UNC79: variants seen among roughly 807,000 people sequenced by gnomAD.
UNC79 encodes protein unc-79 homolog.
UNC79 carries 37 observed loss-of-function variants against 283.1 expected under a neutral mutation model. The ratio of observed to expected loss-of-function variants is 0.13; its 90% confidence interval spans 0.10 to 0.17. UNC79 has a LOEUF of 0.17. Ranked by LOEUF, UNC79 falls within the 10% of genes least tolerant of loss-of-function variation. The pLI is 1.00. For missense variants in UNC79, 2,272 were observed against 3,211.1 expected, an observed-to-expected ratio of 0.71 and a Z score of 7.07; for synonymous variants, 1,107 against 1,200.2, an observed-to-expected ratio of 0.92 and a Z score of 1.61.
rs199539496 is a variant in UNC79 at position 93,622,607 on chromosome 14, G to A, written c.5374G>A (p.Glu1792Lys). The change falls in exon 30 of 49, where the codon GAA becomes AAA. Residue 1792 changes from glutamate to lysine, a missense_variant. Physicochemically the swap from Glu to Lys is moderately conservative, Grantham distance 56. Coordinates refer to ENST00000555664, the Ensembl canonical transcript of UNC79. ...AAAAACCGTCCTCCTCAAAGTTCCC[G>A]AAGATGCAGAGAACCCCACAGAAAG... is the stretch of plus-strand genomic sequence containing the variant. The A allele has an allele frequency of 1.7e-5, 28 of 1,614,034 alleles. No homozygotes were observed. Among genetic ancestry groups the A allele is most frequent in the Non-Finnish European group, 2.1e-5 (25 of 1,180,040 alleles).
At chr14:93,403,418 T>C (rs1298564767) in intron 1 of UNC79, among the ~76,000 whole-genome samples, 1 of 152,230 alleles carries the variant, frequency 6.6e-6, no homozygotes, top group Admixed American at 6.5e-5. Context: ...TTTTTTATCT[T>C]TGCAGCCATC....
chr14:93,571,215 G>C (rs76460449), intron 14 of UNC79, among the ~76,000 whole-genome samples: 68 of 152,132 alleles, frequency 4.5e-4, no homozygotes, highest in Non-Finnish European at 8.4e-4. Flanking sequence ...TTTAACCTTT[G>C]TTACGTTGAT....
chr14:93,363,581 T>G (rs148881952), intron 1 of UNC79, among the ~76,000 whole-genome samples: 1 of 152,306 alleles, frequency 6.6e-6, no homozygotes, highest in East Asian at 1.9e-4. Flanking sequence ...CTCCCACTGT[T>G]ATTGTGTGGT....
intron 23 of UNC79, among the ~76,000 whole-genome samples, chr14:93,594,570 A>G (rs1485809186): frequency 6.6e-6 from 1 of 152,148 alleles, no homozygotes; most frequent in Non-Finnish European, 1.5e-5. Flanking sequence ...GTGCTGGGGC[A>G]GAAACTGAGA....
At chr14:93,511,579 C>T (rs2059827163) in intron 7 of UNC79, among the ~76,000 whole-genome samples, 1 of 152,110 alleles carries the variant, frequency 6.6e-6, no homozygotes, top group Non-Finnish European at 1.5e-5. Context: ...TCCCGAGTAG[C>T]TGGTATTACA....
rs568704565 is a variant in UNC79 at position 93,704,621 on chromosome 14, A to G, written c.7549-4A>G. The G allele has an allele frequency of 2.5e-6, 4 of 1,614,176 alleles. No homozygotes were observed. Among genetic ancestry groups the G allele is most frequent in the East Asian group, 2.2e-5 (1 of 44,884 alleles). On this transcript the variant is annotated splice_region_variant and splice_polypyrimidine_tract_variant and intron_variant, in intron 47 of 48. Transcript: ENST00000555664. ...TAATGAAGCTTTTGTCTTTCTCTATACAGCTGATACCTATGTGGTTGCCAA... is the reference window on the plus strand; with the variant it reads ...TAATGAAGCTTTTGTCTTTCTCTATGCAGCTGATACCTATGTGGTTGCCAA...
Position 93,507,660 on chromosome 14 carries a change from G to T in UNC79, c.898+10374G>T, listed in dbSNP as rs547675930. On this transcript the variant is annotated intron_variant, in intron 7 of 48. Coordinates refer to ENST00000555664, the Ensembl canonical transcript of UNC79. The stretch of plus-strand genomic sequence containing the variant: ...ACAAATATTTTATTCCAGTCTTGGG[G>T]TTACTCTTTTATTTTCTTAACAGTG... Among the ~76,000 whole-genome samples, 7 of 152,146 alleles carry T rather than the reference G, an allele frequency of 4.6e-5. No individual in the cohort carries two copies. The East Asian group carries it at 1.2e-3, about 25-fold the overall frequency.
intron 8 of UNC79, among the ~76,000 whole-genome samples, 193 bp downstream of exon 8, chr14:93,524,235 T>C (rs1005191952): frequency 1.5e-4 from 23 of 152,222 alleles, no homozygotes; most frequent in African/African-American, 5.5e-4. Flanking sequence ...TTGTCTGCAG[T>C]TTTGGCTATG....
At chr14:93,582,120 A>C in intron 19 of UNC79, 83 bp from the exon 20 acceptor site, 2 of 1,602,928 alleles carry the variant, frequency 1.2e-6, no homozygotes, top group Non-Finnish European at 1.7e-6. Flanking sequence ...GCAGGTGTGC[A>C]GTCCAGCTTT....
intron 26 of UNC79, among the ~76,000 whole-genome samples, chr14:93,604,113 GA>G (rs2065714286): frequency 6.6e-6 from 1 of 152,056 alleles, no homozygotes; most frequent in African/African-American, 2.4e-5. Flanking sequence ...AATGACTCAT[GA>G]AGGACAAATA....
At chr14:93,473,287 T>G (rs915469503) in intron 2 of UNC79, among the ~76,000 whole-genome samples, 1 of 152,150 alleles carries the variant, frequency 6.6e-6, no homozygotes, top group Non-Finnish European at 1.5e-5. Flanking sequence ...AAACCACTGT[T>G]TGTATTCATA....
chr14:93,471,790 A>G (rs1328122476), intron 2 of UNC79, among the ~76,000 whole-genome samples: 2 of 151,950 alleles, frequency 1.3e-5, no homozygotes, highest in African/African-American at 2.4e-5. Flanking sequence ...AGGCAGTGAG[A>G]GAGAAGTTTT....
Position 93,627,651 on chromosome 14 carries a change from C to G in UNC79, c.5609-3150C>G, listed in dbSNP as rs189232660. Among the ~76,000 whole-genome samples the G allele has an allele frequency of 1.7e-4, 26 of 152,304 alleles. 1 individual carries two copies. In the East Asian group the frequency reaches 4.8e-3, roughly 28 times the overall value. On this transcript the variant is annotated intron_variant, in intron 30 of 48. Coordinates refer to ENST00000555664, the Ensembl canonical transcript of UNC79. ...ACATTCTGTCAGCCAAAGCAAATCACATGGCTGAACCAAAGTCAAGAGGGG... is the reference window on the plus strand; with the variant it reads ...ACATTCTGTCAGCCAAAGCAAATCAGATGGCTGAACCAAAGTCAAGAGGGG...
rs1332275605 is a variant in UNC79 at position 93,694,447 on chromosome 14, T to C, written c.7548+35T>C. The C allele has an allele frequency of 1.9e-6, 3 of 1,569,480 alleles. No homozygotes were observed. In the African/African-American group the frequency reaches 4.1e-5, roughly 21 times the overall value. ...CCTTATGATTTTTAAAGACCATTTC[T>C]TACTGCTAAAAACAAATGTGGATTT... On this transcript the variant is annotated intron_variant, in intron 47 of 48. Coordinates refer to ENST00000555664, the Ensembl canonical transcript of UNC79.
At chr14:93,597,825 C>T (rs2065183620) in intron 24 of UNC79, among the ~76,000 whole-genome samples, 1 of 152,130 alleles carries the variant, frequency 6.6e-6, no homozygotes, top group South Asian at 2.1e-4. Context: ...AAAGCCCCAC[C>T]TCCTAATACT....
At chr14:93,371,834 C>T (rs189646491) in intron 1 of UNC79, among the ~76,000 whole-genome samples, 4 of 150,234 alleles carry the variant, frequency 2.7e-5, no homozygotes, top group South Asian at 4.2e-4. Context: ...ATCGAGACTC[C>T]GTCTCAAAAA....
chr14:93,584,674 A>G (rs1229789541), intron 20 of UNC79, among the ~76,000 whole-genome samples: 1 of 152,184 alleles, frequency 6.6e-6, no homozygotes, highest in African/African-American at 2.4e-5. Flanking sequence ...TATTGGAGCA[A>G]TGGTTAAAAT....
At chr14:93,339,385 C>T (rs1312600736) in intron 1 of UNC79, among the ~76,000 whole-genome samples, 2 of 152,086 alleles carry the variant, frequency 1.3e-5, no homozygotes, top group Non-Finnish European at 2.9e-5. Flanking sequence ...CTGCAAGCTC[C>T]ACCTCCCGGG....
At chr14:93,599,542 G>A (rs2065342853) in intron 24 of UNC79, among the ~76,000 whole-genome samples, 1 of 152,182 alleles carries the variant, frequency 6.6e-6, no homozygotes, top group Non-Finnish European at 1.5e-5. Flanking sequence ...CTTCTGAATA[G>A]TTCTTCTCTG....
Sources: gnomAD v4.1 joint callset for allele counts (sites outside exome capture counted in the v4.1 genomes callset) on GRCh38, gnomAD v4.1.1 for gene constraint, MANE v1.5 for transcripts, NCBI Gene and HGNC (gene_info 2026-07-23, HGNC 2026-07-21) for gene names.